Variants in DIP2B observed in about 807,000 individuals in gnomAD.
DIP2B encodes disco-interacting protein 2 homolog B.
DIP2B carries 76 observed loss-of-function variants against 198.0 expected under a neutral mutation model. That is an observed-to-expected ratio of 0.38 (90% CI 0.32 to 0.46). The LOEUF (loss-of-function observed/expected upper bound fraction) is 0.46, where lower values mean the gene tolerates loss of function less well. Among genes scored for constraint, DIP2B ranks in the 20% least tolerant of loss-of-function variants. DIP2B has a pLI of 0.99. For synonymous variants in DIP2B, 701 were observed against 739.1 expected (o/e 0.95, Z 0.84); for missense variants, 1,559 against 1,978.4 (o/e 0.79, Z 4.02).
At chr12:50,621,495 T>A (rs1369347898) in intron 1 of DIP2B, among the ~76,000 whole-genome samples, 5 of 152,198 alleles carry the variant, frequency 3.3e-5, no homozygotes, top group Admixed American at 3.3e-4. Flanking sequence ...TCTCACTGCC[T>A]CCATTTTATT....
intron 23 of DIP2B, among the ~76,000 whole-genome samples, chr12:50,716,994 G>T: frequency 1.5e-5 from 1 of 65,304 alleles, no homozygotes; most frequent in African/African-American, 5.1e-5. Flanking sequence ...GACAGAGTTT[G>T]CTCTGTTGCC....
At chr12:50,737,879 T>A (rs986774154) in intron 35 of DIP2B, among the ~76,000 whole-genome samples, 2 of 152,116 alleles carry the variant, frequency 1.3e-5, no homozygotes. Context: ...TGAGCCCCCA[T>A]GCCCAGCCTC....
chr12:50,682,417 AGATC>A, intron 9 of DIP2B, among the ~76,000 whole-genome samples: 1 of 152,028 alleles, frequency 6.6e-6, no homozygotes. Flanking sequence ...CGAGGTCAGG[AGATC>A]GATCGAGACC....
intron 4 of DIP2B, among the ~76,000 whole-genome samples, chr12:50,666,343 A>C (rs1938752243): frequency 6.6e-6 from 1 of 152,194 alleles, no homozygotes; most frequent in African/African-American, 2.4e-5. Context: ...CCCATTTTAC[A>C]GAAGAGAAAA....
At chr12:50,671,751 C>A (rs1938858961) in intron 5 of DIP2B, among the ~76,000 whole-genome samples, 1 of 152,174 alleles carries the variant, frequency 6.6e-6, no homozygotes, top group Non-Finnish European at 1.5e-5. Context: ...AGATTTTTCC[C>A]AGGATTGTTA....
chr12:50,653,341 C>CTTTTTTTTTTTTTTTTTT (rs1323702401), intron 3 of DIP2B, among the ~76,000 whole-genome samples: 18 of 70,110 alleles, frequency 2.6e-4, no homozygotes, highest in South Asian at 4.3e-4. Flanking sequence ...TTTTTTTTTT[C>CTTTTTTTTTTTTTTTTTT]TTTTCTTTTT....
chr12:50,635,931 T>C (rs1222437793), intron 2 of DIP2B, among the ~76,000 whole-genome samples: 1 of 152,188 alleles, frequency 6.6e-6, no homozygotes, highest in Admixed American at 6.5e-5. Flanking sequence ...ATCTTAATTA[T>C]TTATTTTAAT....
In DIP2B at chr12:50,592,928, T is replaced by C. The variant is rs554588290; in HGVS notation, c.101-33048T>C. Among the ~76,000 whole-genome samples the C allele has an allele frequency of 4.6e-5, 7 of 152,324 alleles. No homozygotes were observed. The South Asian group carries it at 1.4e-3, about 32-fold the overall frequency. On this transcript the variant is annotated intron_variant, in intron 1 of 37. Transcript: ENST00000301180. ...ACTCCAAAGCAGTTGGGCATTGTCA[T>C]ATTCTCTAGGCACTGATGGCTGACC...
chr12:50,606,086 G>C (rs1434024313), intron 1 of DIP2B, among the ~76,000 whole-genome samples: 1 of 152,194 alleles, frequency 6.6e-6, no homozygotes, highest in African/African-American at 2.4e-5. Flanking sequence ...GCCTCCCAAA[G>C]TGCTAGGATT....
intron 1 of DIP2B, among the ~76,000 whole-genome samples, chr12:50,558,923 C>A (rs1958494224): frequency 6.6e-6 from 1 of 152,192 alleles, no homozygotes; most frequent in Non-Finnish European, 1.5e-5. Context: ...CCTCCCTCTT[C>A]TTCTATGAAG....
intron 22 of DIP2B, among the ~76,000 whole-genome samples, chr12:50,708,869 A>T (rs931004088): frequency 2.6e-4 from 39 of 152,376 alleles, no homozygotes; most frequent in African/African-American, 8.9e-4. Flanking sequence ...GGCAGTAATC[A>T]ATCCACTTGT....
intron 1 of DIP2B, among the ~76,000 whole-genome samples, chr12:50,605,433 G>A (rs1958973140): frequency 6.6e-6 from 1 of 152,120 alleles, no homozygotes; most frequent in African/African-American, 2.4e-5. Flanking sequence ...GCAGGGTGGT[G>A]TGTGTCCGTA....
chr12:50,640,921 G>C (rs1938245673), intron 3 of DIP2B, 69 bp downstream of exon 3: 1 of 1,532,810 alleles, frequency 6.5e-7, no homozygotes, highest in Non-Finnish European at 8.8e-7. Context: ...TGTATCCTGA[G>C]AGCTTCTAAT....
intron 1 of DIP2B, among the ~76,000 whole-genome samples, chr12:50,572,143 T>TA (rs1186470015): frequency 3.9e-5 from 6 of 152,190 alleles, no homozygotes; most frequent in African/African-American, 7.2e-5. Context: ...AGCACAACTT[T>TA]AAAAAAATCA....
At position 50,718,476 on chromosome 12, in the gene DIP2B, T is replaced by C. The variant is rs189862486; in HGVS notation, c.2852-233T>C. 3.6e-3 allele frequency among the ~76,000 whole-genome samples: 544 copies of C among 152,336 alleles called. 7 individuals are homozygous for C. The highest frequency in any genetic ancestry group is 0.033 in the Admixed American group (502 of 15,306). ...TGTTTTCTTGTTTGTTTGGTTTTTT[T>C]CCAGTACTTTGCACTATTTATGTTT... On this transcript the variant is annotated intron_variant, in intron 23 of 37. Coordinates refer to ENST00000301180, the MANE Select transcript of DIP2B (RefSeq NM_173602.3).
At chr12:50,703,344 A>T (rs562188336) in intron 19 of DIP2B, among the ~76,000 whole-genome samples, 253 of 152,290 alleles carry the variant, frequency 1.7e-3, no homozygotes, top group Non-Finnish European at 2.7e-3. Flanking sequence ...ACATGGGAAG[A>T]ACCAGACATT....
intron 1 of DIP2B, among the ~76,000 whole-genome samples, chr12:50,601,907 G>A (rs1958940142): frequency 6.6e-6 from 1 of 152,210 alleles, no homozygotes. Flanking sequence ...TCACCCCTGT[G>A]TTCTGTGCTC....
At chr12:50,708,634 G>C in intron 22 of DIP2B, 72 bp downstream of exon 22, 1 of 1,262,844 alleles carries the variant, frequency 7.9e-7, no homozygotes, top group South Asian at 1.3e-5. Flanking sequence ...CATTTTCTTC[G>C]ATCAGCCAGT....
Position 50,604,724 on chromosome 12 carries a change from A to G in DIP2B, c.101-21252A>G, listed in dbSNP as rs190940115. Among the ~76,000 whole-genome samples the G allele has an allele frequency of 2.2e-4, 33 of 152,318 alleles. 1 individual carries two copies. In the East Asian group the frequency reaches 6.0e-3, roughly 28 times the overall value. On this transcript the variant is annotated intron_variant, in intron 1 of 37. Transcript: ENST00000301180. ...CTCCCAGAGTGCTGGGATTATAGGCATGAGCCAGTACACCCAGCTTGATTG... is the reference window on the plus strand; with the variant it reads ...CTCCCAGAGTGCTGGGATTATAGGCGTGAGCCAGTACACCCAGCTTGATTG...
Sources: allele counts gnomAD v4.1 joint callset (sites outside exome capture counted in the v4.1 genomes callset), GRCh38; gene constraint gnomAD v4.1.1; transcripts MANE v1.5; gene names NCBI Gene and HGNC (gene_info 2026-07-23, HGNC 2026-07-21).